Variants in PPP1R13L observed in about 807,000 individuals in gnomAD.
PPP1R13L encodes the protein relA-associated inhibitor.
PPP1R13L carries 50 observed loss-of-function variants against 80.9 expected under a neutral mutation model. The observed-to-expected ratio is 0.62, with a 90% confidence interval of 0.49 to 0.78. PPP1R13L has a LOEUF of 0.78. PPP1R13L is among the 30% of genes least tolerant of loss of function. PPP1R13L has a pLI of 0.00. For synonymous variants in PPP1R13L, 602 were observed against 534.3 expected (o/e 1.13, Z -1.75); for missense variants, 1,200 against 1,205.9 (o/e 1.00, Z 0.07).
At chr19:45,405,323 G>A (rs1055138881), upstream of PPP1R13L, among the ~76,000 whole-genome samples, 12 of 152,314 alleles carry the variant, frequency 7.9e-5, no homozygotes, top group African/African-American at 2.9e-4. Flanking sequence ...CCTCGCTGTG[G>A]CTGGAGACTG....
chr19:45,382,540 C>T lies in PPP1R13L; in HGVS notation c.2435G>A (p.Arg812Gln), dbSNP rs1445595098. The change falls in exon 12 of 13, where the codon CGG becomes CAG. Residue 812 changes from arginine (R) to glutamine (Q), a missense_variant. Physicochemically the swap from Arg to Gln is conservative, Grantham distance 43 (BLOSUM62 1). This residue lies in a region of PPP1R13L where 165 missense variants were observed against 177.1 expected (regional missense o/e 0.93). Coordinates refer to ENST00000360957, the MANE Select transcript of PPP1R13L (RefSeq NM_006663.4). The stretch of plus-strand genomic sequence containing the variant: ...CCCTGGGCTCACCCCGAAGTAGTTC[C>T]GCGGCACGTAGCCCTCCTGGCCGTG... ...ALHGQEGYVPRNYFGLFPRVK... is the reference protein window; with the variant it reads ...ALHGQEGYVPQNYFGLFPRVK... The T allele has an allele frequency of 1.1e-5, 18 of 1,612,812 alleles. No homozygotes were observed. Among genetic ancestry groups the T allele is most frequent in the Non-Finnish European group, 1.4e-5 (16 of 1,179,464 alleles).
In PPP1R13L at chr19:45,396,167, C is replaced by T; in HGVS notation, c.903+1G>A. ...CTCCTCCCCAGGCGTCGCCTCCTCA[C>T]CTTGCCGGTGCCCCCCAGTCCATCC... is the stretch of plus-strand genomic sequence containing the variant. On this transcript the variant is annotated splice_donor_variant, in intron 6 of 12. Transcript: ENST00000360957. LOFTEE classifies it high-confidence loss of function. This position sits in a 1 kb window ranked among gnomAD's most constrained non-coding sequence, Gnocchi z 5.3. 1 of 1,605,592 alleles carries T rather than the reference C, an allele frequency of 6.2e-7. No homozygotes were observed. Among genetic ancestry groups the T allele is most frequent in the Non-Finnish European group, 8.5e-7 (1 of 1,177,184 alleles).
Position 45,395,810 on chromosome 19 carries a change from C to CA in PPP1R13L, c.979_980insT (p.Gly327ValfsTer79). The CA allele has an allele frequency of 2.5e-6, 4 of 1,588,308 alleles. No individual in the cohort carries two copies. In the African/African-American group the frequency reaches 5.4e-5, roughly 21 times the overall value. On this transcript the variant is annotated frameshift_variant, in exon 7 of 13. Transcript: ENST00000360957. LOFTEE classifies it high-confidence loss of function. The stretch of plus-strand genomic sequence containing the variant: ...GGAGCCCAGCGAGCGCCGGTAGCTG[C>CA]CCGCGTCTGAACGCCGGTCGCTGGC...
In PPP1R13L at chr19:45,396,644, G is replaced by A. The variant is rs762605157; in HGVS notation, c.613C>T (p.Arg205Cys). 4 of 1,471,476 alleles carry A rather than the reference G, an allele frequency of 2.7e-6. No homozygotes were observed. The highest frequency in any genetic ancestry group is 2.5e-5 in the East Asian group (1 of 40,540). The allele number at this position is 1,471,476 out of a possible 1,614,324, so 91.2% of individuals were successfully genotyped here. A position where few individuals can be genotyped will look rare whatever the true frequency, so the allele number is the denominator to read the frequency against. Reference protein sequence around the residue: ...AFFPERGPSPRPPATAYDAPA... With the variant: ...AFFPERGPSPCPPATAYDAPA... ...GCGTCGTAGGCTGTGGCAGGGGGGC[G>A]CGGTGACGGCCCACGCTCGGGGAAG... The change falls in exon 4 of 13, where the codon CGC becomes TGC. Residue 205 changes from arginine to cysteine, a missense_variant. Arg to Cys is a radical substitution (Grantham distance 180). Transcript: ENST00000360957. The surrounding 1 kb of genome is among the most constrained non-coding windows in gnomAD (Gnocchi z 5.3).
At chr19:45,385,086 C>T (rs548627921) in intron 11 of PPP1R13L, among the ~76,000 whole-genome samples, 46 of 152,140 alleles carry the variant, frequency 3.0e-4, no homozygotes, top group Middle Eastern at 6.8e-3. Context: ...CCCTGCCCGT[C>T]GGGGAACCAG....
At chr19:45,404,931 C>T (rs1426798103) in intron 1 of PPP1R13L, 68 bp downstream of exon 1, 45 of 946,746 alleles carry the variant, frequency 4.8e-5, no homozygotes, top group Non-Finnish European at 5.4e-5. Context: ...AGTCCCCTCC[C>T]AATCCTCCCA....
chr19:45,384,821 C>A (rs1254974373), intron 11 of PPP1R13L, among the ~76,000 whole-genome samples: 1 of 152,048 alleles, frequency 6.6e-6, no homozygotes, highest in Non-Finnish European at 1.5e-5. Flanking sequence ...CCACTGCACT[C>A]CAGCCTGGGT....
rs1229239960 is a variant in PPP1R13L, at chr19:45,385,859, C to T, written c.2046G>A (p.Ala682=). The change falls in exon 10 of 13, where the codon GCG becomes GCA. Residue 682 remains alanine, a synonymous_variant. Transcript: ENST00000360957. The stretch of plus-strand genomic sequence containing the variant: ...TGTCGGGGGAGTTGACATTGGCACC[C>T]GCGGTGATGAGGAAATCCACGATAG... The part of the protein sequence containing the change: ...NYSIVDFLIT[A]GANVNSPDSH... 6 of 1,610,600 alleles carry T rather than the reference C, an allele frequency of 3.7e-6. No individual in the cohort carries two copies. Among genetic ancestry groups the T allele is most frequent in the East Asian group, 2.2e-5 (1 of 44,742 alleles).
At chr19:45,381,843 G>C (rs1972768206) in intron 12 of PPP1R13L, among the ~76,000 whole-genome samples, 1 of 151,982 alleles carries the variant, frequency 6.6e-6, no homozygotes, top group Non-Finnish European at 1.5e-5. Context: ...TGGAGGCCAA[G>C]GAGGGAGGAT....
At chr19:45,385,111 C>T (rs994064455) in intron 11 of PPP1R13L, among the ~76,000 whole-genome samples, 1 of 152,102 alleles carries the variant, frequency 6.6e-6, no homozygotes, top group Non-Finnish European at 1.5e-5. Context: ...TGTAGCCTGC[C>T]CCCTGGAGAG....
chr19:45,402,425 C>T (rs1220569445), intron 1 of PPP1R13L, among the ~76,000 whole-genome samples: 1 of 152,272 alleles, frequency 6.6e-6, no homozygotes, highest in African/African-American at 2.4e-5. Flanking sequence ...CTGACATTCT[C>T]TGGCTCTCAG....
Position 45,382,689 on chromosome 19 carries a change from T to C in PPP1R13L, c.2286A>G (p.Ala762=). 1 of 1,614,030 alleles carries C rather than the reference T, an allele frequency of 6.2e-7. No homozygotes were observed. The highest frequency in any genetic ancestry group is 8.5e-7 in the Non-Finnish European group (1 of 1,180,042). Residue 762 remains alanine, a synonymous_variant, in exon 12 of 13, where the codon GCA becomes GCG. Transcript: ENST00000360957. ...CGCTGTAGTCCCAGAGAGCGTACACTGCCCCGCTGTTCATCAGCCCCATAC... is the reference window on the plus strand; with the variant it reads ...CGCTGTAGTCCCAGAGAGCGTACACCGCCCCGCTGTTCATCAGCCCCATAC... The part of the protein sequence containing the change: ...EQSMGLMNSG[A]VYALWDYSAE...
chr19:45,396,400 C>T lies in PPP1R13L; in HGVS notation c.749G>A (p.Trp250Ter). The T allele has an allele frequency of 6.2e-7, 1 of 1,614,114 alleles. No homozygotes were observed. The highest frequency in any genetic ancestry group is 8.5e-7 in the Non-Finnish European group (1 of 1,179,988). Residue 250 changes from tryptophan to a stop codon, truncating the protein, a stop_gained, in exon 5 of 13, where the codon TGG (tryptophan) becomes TAG (stop). Coordinates refer to ENST00000360957, the MANE Select transcript of PPP1R13L (RefSeq NM_006663.4). LOFTEE classifies it high-confidence loss of function. This position sits in a 1 kb window ranked among gnomAD's most constrained non-coding sequence, Gnocchi z 5.3. Reference sequence around the variant, plus strand: ...CGCCACGTCCAGGTCAGACTCGTTCCAGGCTTTCGGAGGCCGCCGGCGCAG... The same window carrying T: ...CGCCACGTCCAGGTCAGACTCGTTCTAGGCTTTCGGAGGCCGCCGGCGCAG... ...LTLRRRPPKA[W>*]NESDLDVAYE...
At chr19:45,401,457 C>CA (rs1328339114) in intron 1 of PPP1R13L, among the ~76,000 whole-genome samples, 1 of 151,976 alleles carries the variant, frequency 6.6e-6, no homozygotes, top group Non-Finnish European at 1.5e-5. Context: ...CTCAGCCTCC[C>CA]AAAGTGCTGA....
At position 45,395,772 on chromosome 19, in the gene PPP1R13L, C is replaced by T. The variant is rs1973074018; in HGVS notation, c.1018G>A (p.Gly340Ser). The change falls in exon 7 of 13, where the codon GGC becomes AGC. Residue 340 changes from glycine (G) to serine (S), a missense_variant. This residue lies in a region of PPP1R13L where 764 missense variants were observed against 714.5 expected (regional missense o/e 1.07). Transcript: ENST00000360957. ...GGCTGCCAGCTGCGAGGCAAAGTGC[C>T]CGACGGCCCCGCGGAGCCCAGCGAG... ...RRSLGSAGPSGTLPRSWQPVS... is the reference protein window; with the variant it reads ...RRSLGSAGPSSTLPRSWQPVS... The T allele has an allele frequency of 1.3e-6, 2 of 1,555,644 alleles. No individual in the cohort carries two copies. Among genetic ancestry groups the T allele is most frequent in the Non-Finnish European group, 1.7e-6 (2 of 1,155,424 alleles).
intron 7 of PPP1R13L, 89 bp from the exon 8 acceptor site, chr19:45,392,429 CAT>C: frequency 7.4e-7 from 1 of 1,359,448 alleles, no homozygotes; most frequent in Non-Finnish European, 1.0e-6. Context: ...ACAACCAGCA[CAT>C]GATTTTCTGT....
At chr19:45,399,299 T>C (rs1415512320) in intron 1 of PPP1R13L, among the ~76,000 whole-genome samples, 2 of 149,342 alleles carry the variant, frequency 1.3e-5, no homozygotes, top group Non-Finnish European at 3.0e-5. Flanking sequence ...AACCCATGCC[T>C]ACTGCTTGGG....
Position 45,395,713 on chromosome 19 carries a change from G to A in PPP1R13L, c.1077C>T (p.Pro359=), listed in dbSNP as rs1461624364. 1 of 1,473,922 alleles carries A rather than the reference G, an allele frequency of 6.8e-7. No homozygotes were observed. The highest frequency in any genetic ancestry group is 8.9e-7 in the Non-Finnish European group (1 of 1,119,742). 91.3% of individuals were successfully genotyped at this position (1,473,922 alleles called of 1,614,324 possible). A position where few individuals can be genotyped will look rare whatever the true frequency, so the allele number is the denominator to read the frequency against. The change falls in exon 7 of 13, where the codon CCC becomes CCT. Residue 359 remains proline (P), a synonymous_variant. Transcript: ENST00000360957. ...VSRIPMPPSS[P]QPRGAPRQRP... is the part of the protein sequence containing the mutation. ...GCTGGCGCGGGGCCCCGCGGGGCTG[G>A]GGGCTGGAGGGGGGCATGGGGATGC...
chr19:45,399,587 G>C (rs1973191884), intron 1 of PPP1R13L, among the ~76,000 whole-genome samples: 1 of 150,990 alleles, frequency 6.6e-6, no homozygotes, highest in African/African-American at 2.4e-5. Context: ...TCGCGCCACT[G>C]CACTCCAGCC....
Sources: allele counts gnomAD v4.1 joint callset (sites outside exome capture counted in the v4.1 genomes callset), GRCh38; gene constraint gnomAD v4.1.1; regional missense constraint gnomAD v4.1.1; non-coding constraint Gnocchi (gnomAD v3.1); transcripts MANE v1.5; gene names NCBI Gene and HGNC (gene_info 2026-07-23, HGNC 2026-07-21).